The following PLCH2 variants were observed in gnomAD, a reference collection of about 807,000 sequenced individuals.
PLCH2 encodes the protein 1-phosphatidylinositol 4,5-bisphosphate phosphodiesterase eta-2.
Under a neutral mutation model 134.7 loss-of-function variants are expected in PLCH2, and 98 were observed. The observed-to-expected ratio is 0.73, with a 90% CI of 0.62 to 0.86. PLCH2 has a LOEUF of 0.86. Among genes scored for constraint, PLCH2 ranks in the 40% least tolerant of loss-of-function variants. PLCH2 has a pLI of 0.00. For synonymous variants in PLCH2, 974 were observed against 827.5 expected (o/e 1.18, Z -3.04); for missense variants, 1,994 against 1,986.6 (o/e 1.00, Z -0.07).
intron 20 of PLCH2, chr1:2,500,107 C>T (rs553734790): frequency 9.8e-5 from 25 of 253,950 alleles, no homozygotes; most frequent in Middle Eastern, 1.3e-3. Flanking sequence ...CTACCCCCCA[C>T]CCCTCTACTT....
At position 2,504,440 on chromosome 1, in the gene PLCH2, C is replaced by G; in HGVS notation, c.3478C>G (p.Leu1160Val). The G allele has an allele frequency of 6.2e-7, 1 of 1,612,676 alleles. No individual in the cohort carries two copies. The highest frequency in any genetic ancestry group is 8.5e-7 in the Non-Finnish European group (1 of 1,179,780). Residue 1160 changes from leucine to valine, a missense_variant, in exon 22 of 22, where the codon CTG becomes GTG. Leu to Val is a conservative substitution (Grantham distance 32). This residue lies in a region of PLCH2 where 900 missense variants were observed against 752.3 expected (regional missense o/e 1.20). Transcript: ENST00000378486. ...SSSDTVIDLS[L>V]PSLGLGRSRE... Reference sequence around the variant, plus strand: ...CAGCGACACTGTCATTGACCTCTCCCTGCCCAGCCTGGGCCTGGGCCGCAG... The same window carrying G: ...CAGCGACACTGTCATTGACCTCTCCGTGCCCAGCCTGGGCCTGGGCCGCAG...
chr1:2,497,069 G>A (rs572099734), intron 15 of PLCH2, 59 bp downstream of exon 15: 14 of 1,540,150 alleles, frequency 9.1e-6, no homozygotes, highest in Non-Finnish European at 9.7e-6. Flanking sequence ...GACGGTCCCT[G>A]AAGCCCAAGG....
Position 2,504,770 on chromosome 1 carries a change from G to A in PLCH2, c.3808G>A (p.Glu1270Lys), listed in dbSNP as rs1364242290. 10 of 1,612,362 alleles carry A rather than the reference G, an allele frequency of 6.2e-6. No homozygotes were observed. The highest frequency in any genetic ancestry group is 8.5e-6 in the Non-Finnish European group (10 of 1,179,756). The change falls in exon 22 of 22, where the codon GAG becomes AAG. Residue 1270 changes from glutamate to lysine, a missense_variant. By Grantham distance (56) the Glu-to-Lys change is moderately conservative (BLOSUM62 1). Transcript: ENST00000378486. ...LTADDFAPSFEGGSRRLSHSL... is the reference protein window; with the variant it reads ...LTADDFAPSFKGGSRRLSHSL... ...TGCTGATGACTTTGCCCCTAGCTTT[G>A]AGGGCGGCTCCCGCAGACTGAGCCA...
intron 11 of PLCH2, chr1:2,492,555 G>C (rs903253474): frequency 2.6e-5 from 4 of 152,354 alleles, no homozygotes; most frequent in Non-Finnish European, 5.9e-5. Flanking sequence ...ACGAAGGTTG[G>C]GGGAGGAGCG....
intron 4 of PLCH2, among the ~76,000 whole-genome samples, chr1:2,483,763 T>G (rs78102271): frequency 0.28 from 9,305 of 33,352 alleles, 729 homozygotes; most frequent in Non-Finnish European, 0.31. Context: ...TGACCCCCGT[T>G]TGGGGGGGCG....
Position 2,489,254 on chromosome 1 carries a change from A to G in PLCH2, c.1283A>G (p.Gln428Arg), listed in dbSNP as rs747056441. ...SIENHCSVIQQKKMAQYLTDI... is the reference protein window; with the variant it reads ...SIENHCSVIQRKKMAQYLTDI... ...GAAAACCACTGCAGTGTCATCCAGC[A>G]GAAGAAAATGGCCCAGTATCTGACT... is the stretch of plus-strand genomic sequence containing the variant. Residue 428 changes from glutamine to arginine, a missense_variant, in exon 9 of 22, where the codon CAG becomes CGG. By Grantham distance (43) the Gln-to-Arg change is conservative. Transcript: ENST00000378486. 6.2e-7 allele frequency: 1 copy of G among 1,613,966 alleles called. No individual in the cohort carries two copies. The highest frequency in any genetic ancestry group is 8.5e-7 in the Non-Finnish European group (1 of 1,179,886).
At chr1:2,416,390 C>G in the PLCH2 span, among the ~76,000 whole-genome samples, 1 of 42,612 alleles carries the variant, frequency 2.3e-5, no homozygotes, top group African/African-American at 1.7e-4. Flanking sequence ...AAGCTGGCCC[C>G]GAGTACAGGG....
intron 8 of PLCH2, among the ~76,000 whole-genome samples, chr1:2,488,406 T>C (rs1022108149): frequency 2.6e-5 from 4 of 152,106 alleles, no homozygotes; most frequent in African/African-American, 9.7e-5. Context: ...CTATGACCAG[T>C]GTAATCTGTG....
intron 8 of PLCH2, among the ~76,000 whole-genome samples, chr1:2,488,553 C>G (rs1642398866): frequency 1.3e-5 from 2 of 152,268 alleles, no homozygotes; most frequent in South Asian, 4.1e-4. Context: ...GGTTCATGCC[C>G]TCTTGCTCTG....
chr1:2,476,415 C>G lies in PLCH2; in HGVS notation c.-174C>G. On this transcript the variant is annotated 5_prime_UTR_variant, in exon 1 of 22. Coordinates refer to ENST00000378486, the MANE Select transcript of PLCH2 (RefSeq NM_014638.4). ...ACGGTCAGGCCAATGCCAGCCGGGCCTGGGCACAGCCCTGTGGGGGCTTCG... is the reference window on the plus strand; with the variant it reads ...ACGGTCAGGCCAATGCCAGCCGGGCGTGGGCACAGCCCTGTGGGGGCTTCG... 4.9e-6 allele frequency: 3 copies of G among 610,396 alleles called. No homozygotes were observed. Among genetic ancestry groups the G allele is most frequent in the Non-Finnish European group, 8.1e-6 (3 of 372,488 alleles). The allele number at this position is 610,396 out of a possible 1,614,324, so 37.8% of individuals were successfully genotyped here. A position where few individuals can be genotyped will look rare whatever the true frequency, so the allele number is the denominator to read the frequency against.
the PLCH2 span, among the ~76,000 whole-genome samples, chr1:2,420,778 G>A: frequency 6.6e-6 from 1 of 152,180 alleles, no homozygotes; most frequent in Non-Finnish European, 1.5e-5. Flanking sequence ...GTGAGTGATC[G>A]ATCGATTCAT....
chr1:2,474,486 G>C (rs1210027065), upstream of PLCH2, among the ~76,000 whole-genome samples: 1 of 152,036 alleles, frequency 6.6e-6, no homozygotes, highest in Non-Finnish European at 1.5e-5. Context: ...AGGAGCCTGG[G>C]ACCCACGTTG....
intron 1 of PLCH2, among the ~76,000 whole-genome samples, chr1:2,469,502 G>A (rs1052325396): frequency 6.6e-6 from 1 of 152,246 alleles, no homozygotes; most frequent in Non-Finnish European, 1.5e-5. Flanking sequence ...TGACGATGGC[G>A]TCCCAGTTCC....
upstream of PLCH2, among the ~76,000 whole-genome samples, chr1:2,472,638 G>A (rs1570379506): frequency 1.3e-5 from 2 of 152,300 alleles, no homozygotes; most frequent in Middle Eastern, 3.4e-3. Context: ...AATGCCAGCC[G>A]GGCCCAGGCA....
At chr1:2,470,931 G>A (rs887864166) in intron 1 of PLCH2, among the ~76,000 whole-genome samples, 5 of 152,220 alleles carry the variant, frequency 3.3e-5, no homozygotes, top group Non-Finnish European at 5.9e-5. Context: ...CAGGCCAGGT[G>A]GGTGCGATGC....
At chr1:2,497,194 C>G (rs1186855025) in intron 15 of PLCH2, among the ~76,000 whole-genome samples, 184 bp downstream of exon 15, 1 of 152,266 alleles carries the variant, frequency 6.6e-6, no homozygotes, top group Non-Finnish European at 1.5e-5. Flanking sequence ...ACCAGGCTAG[C>G]ACTGGGGCAG....
At position 2,505,404 on chromosome 1, in the gene PLCH2, C is replaced by T; in HGVS notation, c.*191C>T. ...GCTAAAGCTGCTGGCCCGGGGCCCA[C>T]AGGAGGGGCTTCGAGGCTGGCCCTG... On this transcript the variant is annotated 3_prime_UTR_variant, in exon 22 of 22. Transcript: ENST00000378486. The T allele has an allele frequency of 1.7e-6, 1 of 572,956 alleles. No homozygotes were observed. The highest frequency in any genetic ancestry group is 3.1e-6 in the Non-Finnish European group (1 of 327,836). The allele number at this position is 572,956 out of a possible 1,614,324, so 35.5% of individuals were successfully genotyped here.
chr1:2,504,946 G>A lies in PLCH2; in HGVS notation c.3984G>A (p.Val1328=). 2.6e-6 allele frequency: 4 copies of A among 1,564,048 alleles called. No individual in the cohort carries two copies. Among genetic ancestry groups the A allele is most frequent in the Middle Eastern group, 1.7e-4 (1 of 5,896 alleles). ...PTSLGPAGEG[V]AGGPGFVRRS... ...GCCTGGGCCCGGCTGGGGAGGGGGT[G>A]GCAGGGGGCCCTGGTTTTGTGCGGC... Residue 1328 remains valine (V), a synonymous_variant, in exon 22 of 22, where the codon GTG becomes GTA. Coordinates refer to ENST00000378486, the MANE Select transcript of PLCH2 (RefSeq NM_014638.4).
Position 2,498,683 on chromosome 1 carries a change from A to C in PLCH2, c.2349+36A>C. The C allele has an allele frequency of 2.3e-6, 1 of 426,496 alleles. No homozygotes were observed. The highest frequency in any genetic ancestry group is 4.1e-6 in the Non-Finnish European group (1 of 242,510). 26.4% of individuals were successfully genotyped at this position (426,496 alleles called of 1,614,324 possible). Reference sequence around the variant, plus strand: ...GCCCCACACAGGCGGGAGGGGTGGGAGTTGGGGGCGGGCCGGGCATCGCGA... The same window carrying C: ...GCCCCACACAGGCGGGAGGGGTGGGCGTTGGGGGCGGGCCGGGCATCGCGA... On this transcript the variant is annotated intron_variant, in intron 17 of 21. Transcript: ENST00000378486. The surrounding 1 kb of genome is among the most constrained non-coding windows in gnomAD (Gnocchi z 5.4).
Sources: allele counts gnomAD v4.1 joint callset (sites outside exome capture counted in the v4.1 genomes callset), GRCh38; gene constraint gnomAD v4.1.1; regional missense constraint gnomAD v4.1.1; non-coding constraint Gnocchi (gnomAD v3.1); transcripts MANE v1.5; gene names NCBI Gene and HGNC (gene_info 2026-07-23, HGNC 2026-07-21).